Variants in INSR observed in about 807,000 individuals in gnomAD.
The protein encoded by INSR is IR.
INSR carries 67 observed loss-of-function variants against 142.6 expected under a neutral mutation model. The ratio of observed to expected loss-of-function variants is 0.47; its 90% CI spans 0.39 to 0.58. The LOEUF is 0.58. Among genes scored for constraint, INSR ranks in the 20% least tolerant of loss-of-function variants. The pLI is 0.00. For missense variants in INSR, 1,248 were observed against 1,833.2 expected, an observed-to-expected ratio of 0.68 and a Z score of 5.83; for synonymous variants, 756 against 743.1, an observed-to-expected ratio of 1.02 and a Z score of -0.28.
chr19:7,135,759 A>C (rs753965194), intron 13 of INSR, among the ~76,000 whole-genome samples: 8 of 152,010 alleles, frequency 5.3e-5, no homozygotes, highest in Non-Finnish European at 1.2e-4. Context: ...TCACGAGGTC[A>C]GGAGTTTGAG....
chr19:7,151,035 CTTT>C lies in INSR; in HGVS notation c.2232-506_2232-504del, dbSNP rs780375042. Among the ~76,000 whole-genome samples the C allele has an allele frequency of 4.3e-4, 56 of 130,534 alleles. 2 individuals carry two copies. Among genetic ancestry groups the C allele is most frequent in the African/African-American group, 7.2e-4 (27 of 37,462 alleles). 85.6% of individuals were successfully genotyped at this position (130,534 alleles called of 152,430 possible). A position where few individuals can be genotyped will look rare whatever the true frequency, so the allele number is the denominator to read the frequency against. On this transcript the variant is annotated intron_variant, in intron 10 of 21. Coordinates refer to ENST00000302850, the MANE Select transcript of INSR (RefSeq NM_000208.4). Reference sequence around the variant, plus strand: ...TTGCTTTCTTTCTCTTTCCTTCCTTCTTTTTTTCATTTTCTTTCTCTTTCTTTT... The same window carrying C: ...TTGCTTTCTTTCTCTTTCCTTCCTTCTTTTCATTTTCTTTCTCTTTCTTTT...
intron 9 of INSR, among the ~76,000 whole-genome samples, chr19:7,153,298 C>A (rs1973473645): frequency 7.6e-6 from 1 of 131,624 alleles, no homozygotes; most frequent in Non-Finnish European, 1.7e-5. Flanking sequence ...ACACCGCACA[C>A]ACACCACACA....
chr19:7,210,068 G>A (rs1191590379), intron 2 of INSR, among the ~76,000 whole-genome samples: 1 of 152,008 alleles, frequency 6.6e-6, no homozygotes, highest in African/African-American at 2.4e-5. Context: ...CCAAGAGCCA[G>A]GCGCAGTGGC....
intron 2 of INSR, among the ~76,000 whole-genome samples, chr19:7,209,410 A>G (rs2145068440): frequency 6.6e-6 from 1 of 151,860 alleles, no homozygotes; most frequent in East Asian, 1.9e-4. Flanking sequence ...GTTGAGCTCA[A>G]CTCCATAAAA....
At chr19:7,230,978 G>A (rs1014495164) in intron 2 of INSR, among the ~76,000 whole-genome samples, 3 of 152,204 alleles carry the variant, frequency 2.0e-5, no homozygotes, top group Non-Finnish European at 4.4e-5. Context: ...AAGGAGGCGC[G>A]TGTCTACAGC....
chr19:7,131,453 C>G (rs1479950571), intron 14 of INSR, among the ~76,000 whole-genome samples: 1 of 151,706 alleles, frequency 6.6e-6, no homozygotes, highest in African/African-American at 2.4e-5. Flanking sequence ...TCCTGAGGCT[C>G]CTGCCTCAGC....
chr19:7,174,604 T>G lies in INSR; in HGVS notation c.1102A>C (p.Ile368Leu), dbSNP rs1434912356. 6.2e-7 allele frequency: 1 copy of G among 1,613,902 alleles called. No homozygotes were observed. The highest frequency in any genetic ancestry group is 2.2e-5 in the East Asian group (1 of 44,866). ...TCACTGCCTCCTCGAATGTTGATGATCAGACTCCCGTTGATGACGGTGCAT... is the reference window on the plus strand; with the variant it reads ...TCACTGCCTCCTCGAATGTTGATGAGCAGACTCCCGTTGATGACGGTGCAT... ...RGCTVINGSL[I>L]INIRGGNNLA... Residue 368 changes from isoleucine to leucine, a missense_variant, in exon 4 of 22, where the codon ATC (isoleucine) becomes CTC (leucine). By Grantham distance (5) the Ile-to-Leu change is conservative. Around this residue, in one of 3 missense-constraint regions of INSR, gnomAD observed 1,069 missense variants for 1,654.0 expected, o/e 0.65. Coordinates refer to ENST00000302850, the MANE Select transcript of INSR (RefSeq NM_000208.4).
intron 2 of INSR, among the ~76,000 whole-genome samples, chr19:7,265,369 G>A (rs80156851): frequency 0.022 from 3,341 of 152,230 alleles, 114 homozygotes; most frequent in East Asian, 0.16. Context: ...AGCTATTTGG[G>A]AGAGAAACGA....
intron 2 of INSR, among the ~76,000 whole-genome samples, chr19:7,223,953 T>TAGACTGGAACAAAAAAAAA (rs1568497331): frequency 6.5e-5 from 4 of 61,926 alleles, no homozygotes; most frequent in Non-Finnish European, 1.8e-4. Flanking sequence ...AAAAAAAATT[T>TAGACTGGAACAAAAAAAAA]TTTTTTTTTT....
chr19:7,199,059 AT>A (rs1021152325), intron 2 of INSR, among the ~76,000 whole-genome samples: 1 of 151,234 alleles, frequency 6.6e-6, no homozygotes. Context: ...AATTTTTTCT[AT>A]TTTTTTGTAG....
intron 9 of INSR, among the ~76,000 whole-genome samples, chr19:7,153,370 C>CACACACCACCCACCACACACACCAA (rs1490656300): frequency 1.4e-5 from 1 of 69,406 alleles, no homozygotes; most frequent in Admixed American, 1.3e-4. Flanking sequence ...ACACACCCCA[C>CACACACCACCCACCACACACACCAA]ACACACCATA....
chr19:7,240,846 C>T (rs1976317758), intron 2 of INSR, among the ~76,000 whole-genome samples: 1 of 152,138 alleles, frequency 6.6e-6, no homozygotes, highest in Admixed American at 6.5e-5. Flanking sequence ...ATAAGATGTA[C>T]ATGAAACATA....
chr19:7,182,714 A>G (rs1217035776), intron 3 of INSR, among the ~76,000 whole-genome samples: 1 of 152,116 alleles, frequency 6.6e-6, no homozygotes, highest in Non-Finnish European at 1.5e-5. Flanking sequence ...GAGAAAATCA[A>G]AGGAGGTTGC....
chr19:7,208,008 C>T (rs1975163291), intron 2 of INSR, among the ~76,000 whole-genome samples: 2 of 151,982 alleles, frequency 1.3e-5, no homozygotes, highest in South Asian at 4.2e-4. Flanking sequence ...TGGCCTTGGG[C>T]ATGGAAAGGG....
Position 7,267,361 on chromosome 19 carries a change from A to G in INSR, c.636T>C (p.His212=), listed in dbSNP as rs1224401153. Reference sequence around the variant, plus strand: ...CCGGCGTACCTTTCTGGCAGTGACTATGAGTCCAACATCGTTCGACAAACT... The same window carrying G: ...CCGGCGTACCTTTCTGGCAGTGACTGTGAGTCCAACATCGTTCGACAAACT... The part of the protein sequence containing the change: ...NGQFVERCWT[H]SHCQKVCPTI... Residue 212 remains histidine (H), a synonymous_variant, in exon 2 of 22, where the codon CAT becomes CAC. Coordinates refer to ENST00000302850, the MANE Select transcript of INSR (RefSeq NM_000208.4). The surrounding 1 kb of genome is among the most constrained non-coding windows in gnomAD (Gnocchi z 6.3). 2.5e-6 allele frequency: 4 copies of G among 1,614,212 alleles called. No homozygotes were observed. The East Asian group carries it at 6.7e-5, about 27-fold the overall frequency.
chr19:7,276,108 A>C (rs1324448106), intron 1 of INSR, among the ~76,000 whole-genome samples: 1 of 152,062 alleles, frequency 6.6e-6, no homozygotes, highest in Non-Finnish European at 1.5e-5. Flanking sequence ...AGAGTTTTCT[A>C]CTTCCTGTTT....
At chr19:7,246,053 C>G (rs897572085) in intron 2 of INSR, among the ~76,000 whole-genome samples, 4 of 152,082 alleles carry the variant, frequency 2.6e-5, no homozygotes, top group African/African-American at 7.2e-5. Flanking sequence ...CAATTGAGCT[C>G]CAAATTCTGA....
chr19:7,233,263 G>A (rs989155704), intron 2 of INSR, among the ~76,000 whole-genome samples: 3 of 152,110 alleles, frequency 2.0e-5, no homozygotes, highest in Non-Finnish European at 2.9e-5. Context: ...CAAAGTGCTG[G>A]GATTACAGGC....
At chr19:7,274,022 C>T (rs1306024525) in intron 1 of INSR, among the ~76,000 whole-genome samples, 2 of 151,946 alleles carry the variant, frequency 1.3e-5, no homozygotes, top group South Asian at 4.2e-4. Context: ...ATAATTCCCA[C>T]ATATAATCAA....
Sources: gnomAD v4.1 joint callset for allele counts (sites outside exome capture counted in the v4.1 genomes callset) on GRCh38, gnomAD v4.1.1 for gene constraint, gnomAD v4.1.1 regional missense constraint, Gnocchi (gnomAD v3.1) non-coding constraint, MANE v1.5 for transcripts, NCBI Gene and HGNC (gene_info 2026-07-23, HGNC 2026-07-21) for gene names.